LRP1B: variants seen among roughly 807,000 people sequenced by gnomAD.
LRP1B encodes low-density lipoprotein receptor-related protein 1B.
In LRP1B, 217 loss-of-function variants were observed where a neutral mutation model predicts 556.6. That is an observed-to-expected ratio of 0.39 (90% CI 0.35 to 0.44). The LOEUF (loss-of-function observed/expected upper bound fraction) is 0.44. LRP1B is among the 20% of genes least tolerant of loss of function. LRP1B has a pLI of 1.00. For synonymous variants in LRP1B, 2,047 were observed against 1,865.8 expected, an observed-to-expected ratio of 1.10 and a Z score of -2.50; for missense variants, 5,053 against 5,620.8, an observed-to-expected ratio of 0.90 and a Z score of 3.23.
At chr2:141,297,159 G>A (rs115260616) in intron 3 of LRP1B, among the ~76,000 whole-genome samples, 2,624 of 152,224 alleles carry the variant, frequency 0.017, 68 homozygotes, top group African/African-American at 0.059. Context: ...TAGTGCTGCT[G>A]TCAACATATG....
At chr2:140,475,911 T>C (rs887337369) in intron 59 of LRP1B, among the ~76,000 whole-genome samples, 8 of 152,150 alleles carry the variant, frequency 5.3e-5, no homozygotes, top group Non-Finnish European at 1.2e-4. Flanking sequence ...GTGTGTCTAG[T>C]GGTCATCATA....
intron 31 of LRP1B, among the ~76,000 whole-genome samples, chr2:140,822,706 T>C (rs2105057578): frequency 6.6e-6 from 1 of 152,312 alleles, no homozygotes; most frequent in South Asian, 2.1e-4. Context: ...TTTTTCCCTT[T>C]CCCACATTCC....
At chr2:141,737,204 T>G (rs766533298) in intron 2 of LRP1B, among the ~76,000 whole-genome samples, 2 of 151,980 alleles carry the variant, frequency 1.3e-5, no homozygotes, top group African/African-American at 2.4e-5. Context: ...ACACAAAAAT[T>G]AGCTAGGCAT....
At chr2:140,402,507 G>A (rs1684550102) in intron 66 of LRP1B, among the ~76,000 whole-genome samples, 1 of 152,150 alleles carries the variant, frequency 6.6e-6, no homozygotes, top group Admixed American at 6.5e-5. Flanking sequence ...TTGCATGAGA[G>A]GCAGACTCAC....
chr2:140,331,686 CATATATAT>C (rs10571873), intron 79 of LRP1B, among the ~76,000 whole-genome samples: 10 of 143,072 alleles, frequency 7.0e-5, no homozygotes, highest in African/African-American at 2.3e-4. Context: ...TATATATATA[CATATATAT>C]ATATATATAT....
chr2:141,485,088 A>T (rs4427952), intron 2 of LRP1B, among the ~76,000 whole-genome samples: 1 of 152,110 alleles, frequency 6.6e-6, no homozygotes, highest in Non-Finnish European at 1.5e-5. Flanking sequence ...CAAAGACAAC[A>T]TATAGAATTA....
At chr2:141,754,610 T>A (rs1694252987) in intron 2 of LRP1B, among the ~76,000 whole-genome samples, 1 of 152,170 alleles carries the variant, frequency 6.6e-6, no homozygotes, top group Admixed American at 6.5e-5. Context: ...TTTAAACATA[T>A]TCCTGTTGAC....
chr2:140,609,757 C>G (rs1200110212), intron 41 of LRP1B, among the ~76,000 whole-genome samples: 1 of 152,196 alleles, frequency 6.6e-6, no homozygotes, highest in Non-Finnish European at 1.5e-5. Flanking sequence ...CCTTTCCACA[C>G]TGATCACTGC....
intron 41 of LRP1B, among the ~76,000 whole-genome samples, chr2:140,613,110 T>C (rs1037292536): frequency 2.3e-4 from 34 of 151,086 alleles, no homozygotes; most frequent in African/African-American, 7.0e-4. Context: ...TATTGTCAGG[T>C]ATTGGCTAGA....
chr2:140,834,861 T>C (rs1359132601), intron 31 of LRP1B, among the ~76,000 whole-genome samples: 4 of 152,212 alleles, frequency 2.6e-5, no homozygotes, highest in Non-Finnish European at 4.4e-5. Context: ...GATGTCATTA[T>C]TGACTCTTCC....
At chr2:141,256,551 T>C (rs1045645327) in intron 3 of LRP1B, among the ~76,000 whole-genome samples, 3 of 151,826 alleles carry the variant, frequency 2.0e-5, no homozygotes, top group African/African-American at 7.3e-5. Context: ...GAGAGAAAGA[T>C]AGTAAAGGAA....
chr2:140,274,323 T>C, intron 85 of LRP1B, 101 bp downstream of exon 85: 1 of 1,078,786 alleles, frequency 9.3e-7, no homozygotes. Flanking sequence ...TACGGAATTT[T>C]AGAATAAAAA....
intron 31 of LRP1B, among the ~76,000 whole-genome samples, chr2:140,821,098 ACT>A (rs1451325608): frequency 6.6e-6 from 1 of 151,866 alleles, no homozygotes; most frequent in Non-Finnish European, 1.5e-5. Context: ...GTTTTGTTTA[ACT>A]CTACTAAAAA....
intron 3 of LRP1B, among the ~76,000 whole-genome samples, chr2:141,311,214 T>C (rs1388540555): frequency 6.6e-6 from 1 of 152,234 alleles, no homozygotes; most frequent in Non-Finnish European, 1.5e-5. Context: ...TGTATATTTT[T>C]GGTACCTCTG....
chr2:141,603,017 A>C, intron 2 of LRP1B, among the ~76,000 whole-genome samples: 1 of 152,330 alleles, frequency 6.6e-6, no homozygotes, highest in East Asian at 1.9e-4. Flanking sequence ...ATTGTGTCAA[A>C]TATTCCAGAA....
chr2:140,549,545 G>A (rs575514884), intron 43 of LRP1B, among the ~76,000 whole-genome samples: 1 of 152,290 alleles, frequency 6.6e-6, no homozygotes, highest in East Asian at 1.9e-4. Flanking sequence ...GACGAGAAAA[G>A]AAAAGCAGTA....
intron 7 of LRP1B, among the ~76,000 whole-genome samples, chr2:141,125,929 T>G (rs1701195974): frequency 7.2e-6 from 1 of 138,612 alleles, no homozygotes; most frequent in Admixed American, 7.4e-5. Flanking sequence ...ATTGTTAACC[T>G]CTTCTTAACA....
chr2:141,283,133 G>A (rs1418291498), intron 3 of LRP1B, among the ~76,000 whole-genome samples: 1 of 151,982 alleles, frequency 6.6e-6, no homozygotes, highest in Non-Finnish European at 1.5e-5. Flanking sequence ...AGACTTAAGA[G>A]ATAAAAACAA....
intron 1 of LRP1B, among the ~76,000 whole-genome samples, chr2:141,896,254 A>C (rs758385585): frequency 1.6e-4 from 25 of 152,178 alleles, no homozygotes; most frequent in Non-Finnish European, 2.9e-4. Context: ...AATATTTCTT[A>C]GTCACCTTTT....
Sources: gnomAD v4.1 joint callset for allele counts (sites outside exome capture counted in the v4.1 genomes callset) on GRCh38, gnomAD v4.1.1 for gene constraint, MANE v1.5 for transcripts, NCBI Gene and HGNC (gene_info 2026-07-23, HGNC 2026-07-21) for gene names.